Variants in GRB10 observed in about 807,000 individuals in gnomAD.
GRB10 encodes the protein growth factor receptor-bound protein 10.
GRB10 carries 20 observed loss-of-function variants against 80.9 expected under a neutral mutation model. That is an observed-to-expected ratio of 0.25 (90% CI 0.17 to 0.36). The LOEUF (loss-of-function observed/expected upper bound fraction) is 0.36, where lower values mean the gene tolerates loss of function less well. Among genes scored for constraint, GRB10 ranks in the 10% least tolerant of loss-of-function variants. The pLI, the probability that GRB10 is intolerant of heterozygous loss-of-function variation, is 1.00. For missense variants in GRB10, 548 were observed against 747.7 expected (o/e 0.73, Z 3.12); for synonymous variants, 291 against 291.5 (o/e 1.00, Z 0.02).
intron 13 of GRB10, among the ~76,000 whole-genome samples, chr7:50,609,031 C>T (rs150483231): frequency 2.0e-5 from 3 of 148,862 alleles, no homozygotes; most frequent in East Asian, 3.9e-4. Context: ...TGTACATGTA[C>T]GTATTGGGTT....
intron 4 of GRB10, among the ~76,000 whole-genome samples, chr7:50,731,141 A>G (rs1479114266): frequency 6.6e-6 from 1 of 152,174 alleles, no homozygotes; most frequent in Non-Finnish European, 1.5e-5. Context: ...CAGAGCTCAC[A>G]AACTACACAG....
intron 2 of GRB10, among the ~76,000 whole-genome samples, chr7:50,769,004 A>G (rs967586131): frequency 3.9e-5 from 6 of 152,228 alleles, no homozygotes; most frequent in African/African-American, 1.4e-4. Context: ...ACCCGGGACC[A>G]CAGACACGAC....
intron 7 of GRB10, among the ~76,000 whole-genome samples, chr7:50,639,439 G>A (rs2055729506): frequency 6.6e-6 from 1 of 152,170 alleles, no homozygotes; most frequent in African/African-American, 2.4e-5. Flanking sequence ...ACCTTGGGAG[G>A]CCGAAGTGGG....
chr7:50,724,637 G>A (rs1185647259), intron 4 of GRB10, among the ~76,000 whole-genome samples: 1 of 152,156 alleles, frequency 6.6e-6, no homozygotes, highest in Non-Finnish European at 1.5e-5. Context: ...CCTTCCCCTT[G>A]AAGAGGGCTA....
chr7:50,655,986 T>C (rs912973160), intron 7 of GRB10, among the ~76,000 whole-genome samples: 6 of 152,362 alleles, frequency 3.9e-5, no homozygotes, highest in Admixed American at 2.6e-4. Context: ...GTGATTAGCA[T>C]TGGTTTCTCT....
chr7:50,730,597 T>A (rs73349079), intron 4 of GRB10, among the ~76,000 whole-genome samples: 1,679 of 152,232 alleles, frequency 0.011, 33 homozygotes, highest in African/African-American at 0.035. Context: ...AAGCAATGAG[T>A]ATTTCCTCAA....
chr7:50,606,247 G>T, intron 14 of GRB10, 90 bp downstream of exon 14: 1 of 1,032,442 alleles, frequency 9.7e-7, no homozygotes, highest in Non-Finnish European at 1.5e-6. Context: ...AGCTTCTCTT[G>T]CCCACCCTGT....
chr7:50,702,683 C>G (rs1160509704), intron 5 of GRB10, among the ~76,000 whole-genome samples: 1 of 152,180 alleles, frequency 6.6e-6, no homozygotes, highest in African/African-American at 2.4e-5. Flanking sequence ...AACTCCACAT[C>G]AGGGAAGAGA....
intron 4 of GRB10, among the ~76,000 whole-genome samples, chr7:50,730,369 G>A (rs1308877443): frequency 6.6e-6 from 1 of 152,132 alleles, no homozygotes; most frequent in Non-Finnish European, 1.5e-5. Flanking sequence ...TATGTTGAAG[G>A]TTTTAAGAAT....
chr7:50,666,837 G>A (rs558464874), intron 7 of GRB10, among the ~76,000 whole-genome samples: 129 of 152,150 alleles, frequency 8.5e-4, no homozygotes, highest in African/African-American at 2.9e-3. Flanking sequence ...ACAGGAGATC[G>A]AGACCATCCT....
intron 5 of GRB10, among the ~76,000 whole-genome samples, chr7:50,689,696 G>T (rs2153656974): frequency 6.6e-6 from 1 of 152,284 alleles, no homozygotes. Flanking sequence ...CCTCCTTAAA[G>T]ATGGGATTAA....
intron 8 of GRB10, among the ~76,000 whole-genome samples, chr7:50,625,037 T>G (rs1161769955): frequency 6.6e-6 from 1 of 152,242 alleles, no homozygotes; most frequent in African/African-American, 2.4e-5. Flanking sequence ...TGTGTGCTTA[T>G]GGACATTTCT....
chr7:50,733,331 C>G (rs982011332), intron 3 of GRB10, among the ~76,000 whole-genome samples: 1 of 152,066 alleles, frequency 6.6e-6, no homozygotes, highest in East Asian at 1.9e-4. Context: ...TATTTAAGTC[C>G]CCTCGCCCCC....
chr7:50,706,956 T>C (rs1022543691), intron 4 of GRB10, among the ~76,000 whole-genome samples: 1 of 152,260 alleles, frequency 6.6e-6, no homozygotes, highest in African/African-American at 2.4e-5. Flanking sequence ...ACTTCTCCCA[T>C]GACGAGCTTT....
chr7:50,658,106 T>C lies in GRB10; in HGVS notation c.504+11616A>G, dbSNP rs1247081742. ...CGACTGTAAACTCTAGAACACTTTA[T>C]CCTAAACTGGGTGGACCTGCCACAT... On this transcript the variant is annotated intron_variant, in intron 7 of 18. Transcript: ENST00000401949. Among the ~76,000 whole-genome samples the C allele has an allele frequency of 2.6e-5, 4 of 152,218 alleles. No individual in the cohort carries two copies. In the East Asian group the frequency reaches 7.7e-4, roughly 29 times the overall value.
intron 7 of GRB10, among the ~76,000 whole-genome samples, chr7:50,627,932 C>T (rs541132200): frequency 2.0e-5 from 3 of 152,288 alleles, no homozygotes; most frequent in Non-Finnish European, 2.9e-5. Flanking sequence ...GGCCACCCAC[C>T]CACCCGCTGG....
At chr7:50,651,558 G>A in intron 7 of GRB10, among the ~76,000 whole-genome samples, 1 of 152,184 alleles carries the variant, frequency 6.6e-6, no homozygotes, top group Non-Finnish European at 1.5e-5. Context: ...TCCACATAAA[G>A]CTACATTCTG....
chr7:50,709,590 C>T (rs2065576381), intron 4 of GRB10, among the ~76,000 whole-genome samples: 1 of 151,740 alleles, frequency 6.6e-6, no homozygotes, highest in Admixed American at 6.6e-5. Context: ...ACCCCGCGCC[C>T]TCCGGAGGGT....
chr7:50,624,557 G>A (rs1389456062), intron 8 of GRB10, among the ~76,000 whole-genome samples: 1 of 152,220 alleles, frequency 6.6e-6, no homozygotes, highest in Non-Finnish European at 1.5e-5. Context: ...AGTATTCAGA[G>A]AAGTTATAGG....
Sources: allele counts gnomAD v4.1 joint callset (sites outside exome capture counted in the v4.1 genomes callset), GRCh38; gene constraint gnomAD v4.1.1; transcripts MANE v1.5; gene names NCBI Gene and HGNC (gene_info 2026-07-23, HGNC 2026-07-21).